EXOC7: variants seen among roughly 807,000 people sequenced by gnomAD.
EXOC7 encodes exocyst complex component 7.
A neutral mutation model predicts 87.6 loss-of-function variants in EXOC7; 51 were observed. The ratio of observed to expected loss-of-function variants is 0.58; its 90% confidence interval spans 0.46 to 0.73. The LOEUF (loss-of-function observed/expected upper bound fraction) is 0.73, where lower values mean the gene tolerates loss of function less well. EXOC7 is among the 30% of genes least tolerant of loss of function. The pLI is 0.00. For synonymous variants in EXOC7, 327 were observed against 357.1 expected (o/e 0.92, Z 0.95); for missense variants, 744 against 888.4 (o/e 0.84, Z 2.07).
In EXOC7 at chr17:76,081,116, A is replaced by G; in HGVS notation, c.*2532T>C. On this transcript the variant is annotated 3_prime_UTR_variant, in exon 19 of 19. Coordinates refer to ENST00000589210, the MANE Select transcript of EXOC7 (RefSeq NM_001013839.4). ...GAGACAATTTGGGATGTTGCAAAAC[A>G]AGGTTTGGGAAGCCCTTCTATGGAT... 1.1e-6 allele frequency: 1 copy of G among 920,460 alleles called. No homozygotes were observed. Among genetic ancestry groups the G allele is most frequent in the Non-Finnish European group, 1.7e-6 (1 of 604,494 alleles). 57.0% of individuals were successfully genotyped at this position (920,460 alleles called of 1,614,324 possible). A position where few individuals can be genotyped will look rare whatever the true frequency, so the allele number is the denominator to read the frequency against.
intron 7 of EXOC7, 181 bp from the exon 8 acceptor site, chr17:76,089,501 TA>T (rs1038143232): frequency 2.9e-6 from 2 of 686,202 alleles, no homozygotes; most frequent in Non-Finnish European, 4.8e-6. Flanking sequence ...TCGAGGGGAA[TA>T]AAAGGAGCTG....
intron 12 of EXOC7, chr17:76,086,945 G>A (rs547482846): frequency 6.6e-7 from 1 of 1,508,106 alleles, no homozygotes; most frequent in East Asian, 2.5e-5. Context: ...AGACAAAGGA[G>A]GGAGAAAGAT....
intron 4 of EXOC7, among the ~76,000 whole-genome samples, chr17:76,100,801 C>A (rs965984128): frequency 6.6e-6 from 1 of 152,002 alleles, no homozygotes; most frequent in Admixed American, 6.6e-5. Flanking sequence ...GCCAACATGG[C>A]GAAACCCCGT....
At chr17:76,087,394 C>A in intron 12 of EXOC7, 1 of 538,348 alleles carries the variant, frequency 1.9e-6, no homozygotes. Context: ...CAACCAGCAC[C>A]GCTCCCAGAG....
chr17:76,087,469 T>C, intron 12 of EXOC7, 185 bp downstream of exon 12: 4 of 608,544 alleles, frequency 6.6e-6, no homozygotes, highest in Non-Finnish European at 5.8e-6. Context: ...AGGTCCAGTG[T>C]CTGGTCTTGA....
In EXOC7 at chr17:76,082,327, G is replaced by A; in HGVS notation, c.*1321C>T. The A allele has an allele frequency of 1.0e-6, 1 of 992,188 alleles. No homozygotes were observed. The allele number at this position is 992,188 out of a possible 1,614,324, so 61.5% of individuals were successfully genotyped here. ...CTTCAACTGAAGATGGCCTGAAATG[G>A]GCCAGACCCAAATTTTCATCAGCTG... On this transcript the variant is annotated 3_prime_UTR_variant, in exon 19 of 19. Transcript: ENST00000589210.
Position 76,081,075 on chromosome 17 carries a change from G to A in EXOC7, c.*2573C>T, listed in dbSNP as rs890560031. On this transcript the variant is annotated 3_prime_UTR_variant, in exon 19 of 19. Coordinates refer to ENST00000589210, the MANE Select transcript of EXOC7 (RefSeq NM_001013839.4). ...AAAGCTCATCTATGAATCTGATAAA[G>A]GCCTTCCTTCAACTGGAGACAATTT... 3.3e-6 allele frequency: 2 copies of A among 600,582 alleles called. No homozygotes were observed. Among genetic ancestry groups the A allele is most frequent in the African/African-American group, 1.9e-5 (1 of 53,602 alleles). The allele number at this position is 600,582 out of a possible 1,614,324, so 37.2% of individuals were successfully genotyped here.
intron 10 of EXOC7, 41 bp downstream of exon 10, chr17:76,088,423 C>T: frequency 6.3e-7 from 1 of 1,584,836 alleles, no homozygotes; most frequent in Non-Finnish European, 8.6e-7. Flanking sequence ...CACTGTGGTG[C>T]TGGGCCGGGA....
In EXOC7 at chr17:76,083,502, G is replaced by T; in HGVS notation, c.*146C>A. On this transcript the variant is annotated 3_prime_UTR_variant, in exon 19 of 19. Transcript: ENST00000589210. ...AAAAAGCAGGAGCCAGGACTAGGGG[G>T]CTCAGGGACACAGCTCCCGGAGGCG... 1 of 736,086 alleles carries T rather than the reference G, an allele frequency of 1.4e-6. No individual in the cohort carries two copies. The highest frequency in any genetic ancestry group is 2.4e-6 in the Non-Finnish European group (1 of 425,136). 45.6% of individuals were successfully genotyped at this position (736,086 alleles called of 1,614,324 possible).
chr17:76,101,544 G>T, intron 3 of EXOC7, 135 bp downstream of exon 3: 1 of 1,345,076 alleles, frequency 7.4e-7, no homozygotes, highest in Non-Finnish European at 1.0e-6. Context: ...TCACTGTGTT[G>T]TCCAGACTGG....
chr17:76,085,129 CAGGTAGTGGTAG>C (rs1598295365), intron 15 of EXOC7, 173 bp downstream of exon 15: 2 of 602,012 alleles, frequency 3.3e-6, no homozygotes, highest in East Asian at 5.6e-5. Flanking sequence ...CCCCTAGGAG[CAGGTAGTGGTAG>C]AGGAGGGGGC....
In EXOC7 at chr17:76,103,663, T is replaced by C; in HGVS notation, c.30A>G (p.Arg10=). 6.2e-7 allele frequency: 1 copy of C among 1,613,356 alleles called. No homozygotes were observed. The highest frequency in any genetic ancestry group is 1.1e-5 in the South Asian group (1 of 90,900). Residue 10 remains arginine (R), a synonymous_variant, in exon 1 of 19, where the codon CGA becomes CGG. Coordinates refer to ENST00000589210, the MANE Select transcript of EXOC7 (RefSeq NM_001013839.4). MIPPQEASA[R]RREIEDKLKQ... is the part of the protein sequence containing the mutation. The stretch of plus-strand genomic sequence containing the variant: ...TCAGCTTGTCCTCAATCTCCCGCCG[T>C]CGAGCGGATGCCTCCTGTGGGGGAA...
At chr17:76,094,252 G>T in intron 6 of EXOC7, 162 bp downstream of exon 6, 2 of 684,608 alleles carry the variant, frequency 2.9e-6, no homozygotes, top group Non-Finnish European at 4.7e-6. Context: ...GGCTTCACTG[G>T]GTGGGTAGAC....
chr17:76,087,307 G>A (rs567614469), intron 12 of EXOC7: 14 of 409,922 alleles, frequency 3.4e-5, no homozygotes, highest in East Asian at 1.4e-4. Context: ...CCAGCTGAGC[G>A]AGCCTGATTA....
chr17:76,092,153 C>G (rs555679276), intron 6 of EXOC7, among the ~76,000 whole-genome samples: 32 of 152,244 alleles, frequency 2.1e-4, no homozygotes, highest in African/African-American at 7.7e-4. Context: ...TGCCTCCCAC[C>G]CCCACAGTCT....
At chr17:76,095,360 C>T (rs559768607) in intron 5 of EXOC7, among the ~76,000 whole-genome samples, 1 of 151,776 alleles carries the variant, frequency 6.6e-6, no homozygotes, top group Non-Finnish European at 1.5e-5. Flanking sequence ...CCTCTGCCTC[C>T]CGGGTTAAAG....
intron 7 of EXOC7, 36 bp downstream of exon 7, chr17:76,091,107 G>C (rs1350856015): frequency 1.3e-6 from 2 of 1,566,782 alleles, no homozygotes; most frequent in Non-Finnish European, 1.8e-6. Context: ...ACACAGTGGA[G>C]GAGGAAGGGA....
chr17:76,091,286 G>A (rs952885035), intron 6 of EXOC7, 51 bp from the exon 7 acceptor site: 10 of 1,534,626 alleles, frequency 6.5e-6, no homozygotes, highest in Non-Finnish European at 9.0e-6. Flanking sequence ...GGAAATGAGT[G>A]AGAGAAAACA....
At chr17:76,086,569 C>A (rs77360009) in intron 12 of EXOC7, among the ~76,000 whole-genome samples, 3 of 152,152 alleles carry the variant, frequency 2.0e-5, no homozygotes, top group African/African-American at 7.2e-5. Context: ...ACTGAACAGA[C>A]GAAGCTGCGG....
Sources: gnomAD v4.1 joint callset for allele counts (sites outside exome capture counted in the v4.1 genomes callset) on GRCh38, gnomAD v4.1.1 for gene constraint, MANE v1.5 for transcripts, NCBI Gene and HGNC (gene_info 2026-07-23, HGNC 2026-07-21) for gene names.